The following FBXL7 variants were observed in gnomAD, a reference collection of about 807,000 sequenced individuals.
FBXL7 encodes the protein F-box and leucine rich repeat protein 7.
Under a neutral mutation model 38.3 loss-of-function variants are expected in FBXL7, and 12 were observed. That is an observed-to-expected ratio of 0.31 (90% CI 0.20 to 0.51). The LOEUF is 0.51. Ranked by LOEUF, FBXL7 falls within the 20% of genes least tolerant of loss-of-function variation. The pLI is 0.98. For missense variants in FBXL7, 567 were observed against 676.4 expected (o/e 0.84, Z 1.79); for synonymous variants, 297 against 300.9 (o/e 0.99, Z 0.13).
At chr5:15,558,376 T>G (rs1443992593) in intron 1 of FBXL7, among the ~76,000 whole-genome samples, 1 of 152,186 alleles carries the variant, frequency 6.6e-6, no homozygotes, top group African/African-American at 2.4e-5. Context: ...GAATCATCAC[T>G]CAAGCCCAAT....
chr5:15,522,471 T>A (rs898838863), intron 1 of FBXL7, among the ~76,000 whole-genome samples: 6 of 152,182 alleles, frequency 3.9e-5, no homozygotes, highest in Non-Finnish European at 8.8e-5. Flanking sequence ...AATTTTGTAG[T>A]GTTTTAAAAT....
intron 2 of FBXL7, among the ~76,000 whole-genome samples, chr5:15,643,437 T>C (rs1741431827): frequency 6.6e-6 from 1 of 152,224 alleles, no homozygotes; most frequent in Non-Finnish European, 1.5e-5. Flanking sequence ...GTTTTCATGG[T>C]GAAGTCCAAG....
chr5:15,769,646 C>T lies in FBXL7; in HGVS notation c.127+153574C>T, dbSNP rs892531083. 1.7e-4 allele frequency among the ~76,000 whole-genome samples: 26 copies of T among 151,728 alleles called. 1 individual carries two copies. Among genetic ancestry groups the T allele is most frequent in the Admixed American group, 1.3e-3 (20 of 15,254 alleles). ...CTATATCAAAATAAGAAAAATGTTTCGCTTTAAAAATATGCTATATCTAGA... is the reference window on the plus strand; with the variant it reads ...CTATATCAAAATAAGAAAAATGTTTTGCTTTAAAAATATGCTATATCTAGA... On this transcript the variant is annotated intron_variant, in intron 2 of 3. Coordinates refer to ENST00000504595, the MANE Select transcript of FBXL7 (RefSeq NM_012304.5).
chr5:15,777,197 A>G (rs1047834866), intron 2 of FBXL7, among the ~76,000 whole-genome samples: 2 of 152,094 alleles, frequency 1.3e-5, no homozygotes, highest in African/African-American at 4.8e-5. Flanking sequence ...AAAGTCACAC[A>G]TTGTTAGTAG....
rs1219311622 is a variant in FBXL7 at position 15,541,457 on chromosome 5, A to G, written c.37+40744A>G. On this transcript the variant is annotated intron_variant, in intron 1 of 3. Coordinates refer to ENST00000504595, the MANE Select transcript of FBXL7 (RefSeq NM_012304.5). ...TGTGTGTGTGTGTATATATATATAT[A>G]TATATATATATATATATATATATAA... Among the ~76,000 whole-genome samples, 20 of 115,934 alleles carry G rather than the reference A, an allele frequency of 1.7e-4. 1 individual carries two copies. Among genetic ancestry groups the G allele is most frequent in the African/African-American group, 5.0e-4 (16 of 32,322 alleles). 76.1% of individuals were successfully genotyped at this position (115,934 alleles called of 152,430 possible).
intron 1 of FBXL7, among the ~76,000 whole-genome samples, chr5:15,528,837 C>T (rs750786263): frequency 3.9e-5 from 6 of 152,004 alleles, no homozygotes; most frequent in African/African-American, 4.8e-5. Flanking sequence ...TGTATATATT[C>T]GTTGCATACA....
intron 1 of FBXL7, among the ~76,000 whole-genome samples, chr5:15,606,057 G>T (rs935102066): frequency 6.6e-6 from 1 of 152,106 alleles, no homozygotes; most frequent in African/African-American, 2.4e-5. Context: ...AAAAGAAGAG[G>T]CTGATAAAAT....
chr5:15,654,948 G>A (rs1019544216), intron 2 of FBXL7, among the ~76,000 whole-genome samples: 2 of 152,082 alleles, frequency 1.3e-5, no homozygotes, highest in African/African-American at 2.4e-5. Context: ...GTATGTACAC[G>A]CTAGAAAATT....
Position 15,936,360 on chromosome 5 carries a change from G to C in FBXL7, c.740-90G>C, listed in dbSNP as rs1478765215. On this transcript the variant is annotated intron_variant, in intron 3 of 3. Coordinates refer to ENST00000504595, the MANE Select transcript of FBXL7 (RefSeq NM_012304.5). This position sits in a 1 kb window ranked among gnomAD's most constrained non-coding sequence, Gnocchi z 6.0. ...AACATCAGCCTCGGACCCAGACTTG[G>C]GCGAGGGTCAGGAATGCCCCAGGGC... The C allele has an allele frequency of 3.4e-6, 5 of 1,481,564 alleles. No homozygotes were observed. In the African/African-American group the frequency reaches 5.5e-5, roughly 16 times the overall value. The allele number at this position is 1,481,564 out of a possible 1,614,324, so 91.8% of individuals were successfully genotyped here.
chr5:15,580,588 A>G (rs1286313301), intron 1 of FBXL7: 1 of 979,322 alleles, frequency 1.0e-6, no homozygotes, highest in African/African-American at 1.8e-5. Flanking sequence ...CAAATCTTGC[A>G]CTATTTGACT....
intron 2 of FBXL7, among the ~76,000 whole-genome samples, chr5:15,828,563 A>G (rs188630961): frequency 6.6e-6 from 1 of 152,322 alleles, no homozygotes; most frequent in East Asian, 1.9e-4. Context: ...AGCCTTCTCT[A>G]TTAATTGAAC....
intron 1 of FBXL7, among the ~76,000 whole-genome samples, chr5:15,528,324 A>AG (rs1364826493): frequency 6.6e-6 from 1 of 152,174 alleles, no homozygotes; most frequent in Non-Finnish European, 1.5e-5. Flanking sequence ...AGTTTGGTGG[A>AG]ATCTAGCAGG....
At chr5:15,614,715 A>G (rs1046468085) in intron 1 of FBXL7, among the ~76,000 whole-genome samples, 3 of 152,292 alleles carry the variant, frequency 2.0e-5, no homozygotes, top group East Asian at 1.9e-4. Context: ...CAGTGCTGCA[A>G]TGAAGGCATT....
intron 2 of FBXL7, among the ~76,000 whole-genome samples, chr5:15,754,883 G>C (rs1403018705): frequency 6.6e-6 from 1 of 152,058 alleles, no homozygotes; most frequent in Admixed American, 6.6e-5. Flanking sequence ...TTCAGTTCCT[G>C]CTCAACACAG....
intron 1 of FBXL7, among the ~76,000 whole-genome samples, chr5:15,539,341 T>C (rs975184100): frequency 6.6e-6 from 1 of 152,202 alleles, no homozygotes; most frequent in African/African-American, 2.4e-5. Flanking sequence ...TCCTCACCTA[T>C]ACACAACAGA....
intron 1 of FBXL7, among the ~76,000 whole-genome samples, chr5:15,518,003 A>G (rs1326937391): frequency 6.6e-6 from 1 of 151,378 alleles, no homozygotes; most frequent in African/African-American, 2.4e-5. Flanking sequence ...TGTTGTTGTT[A>G]TTTTTGAGAC....
At chr5:15,669,866 G>C (rs1742409058) in intron 2 of FBXL7, among the ~76,000 whole-genome samples, 1 of 152,202 alleles carries the variant, frequency 6.6e-6, no homozygotes, top group Admixed American at 6.5e-5. Flanking sequence ...CTTGAGGGAA[G>C]AGTATATATC....
chr5:15,781,451 G>C (rs543846880), intron 2 of FBXL7, among the ~76,000 whole-genome samples: 1 of 151,442 alleles, frequency 6.6e-6, no homozygotes, highest in African/African-American at 2.4e-5. Context: ...GTGTGTGTGC[G>C]CGCGCGTGTG....
At chr5:15,803,278 T>C (rs571881342) in intron 2 of FBXL7, among the ~76,000 whole-genome samples, 78 of 152,294 alleles carry the variant, frequency 5.1e-4, no homozygotes, top group Non-Finnish European at 9.4e-4. Context: ...CATTGTTCGG[T>C]ATCACCCATA....
Sources: allele counts gnomAD v4.1 joint callset (sites outside exome capture counted in the v4.1 genomes callset), GRCh38; gene constraint gnomAD v4.1.1; non-coding constraint Gnocchi (gnomAD v3.1); transcripts MANE v1.5; gene names NCBI Gene and HGNC (gene_info 2026-07-23, HGNC 2026-07-21).